Variants in ADGRA1 observed in about 807,000 individuals in gnomAD.
ADGRA1 encodes G-protein coupled receptor 123.
In ADGRA1, 12 loss-of-function variants were observed where a neutral mutation model predicts 21.3. The observed-to-expected ratio is 0.56, with a 90% CI of 0.36 to 0.91. ADGRA1 has a LOEUF of 0.91. Among genes scored for constraint, ADGRA1 ranks in the 40% least tolerant of loss-of-function variants. The pLI, the probability that ADGRA1 is intolerant of heterozygous loss-of-function variation, is 0.01. For missense variants in ADGRA1, 790 were observed against 805.6 expected (o/e 0.98, Z 0.23); for synonymous variants, 385 against 368.8 (o/e 1.04, Z -0.50).
In ADGRA1 at chr10:133,115,188, C is replaced by T. The variant is rs189643250; in HGVS notation, c.402-12045C>T. 1.9e-3 allele frequency among the ~76,000 whole-genome samples: 292 copies of T among 152,198 alleles called. 1 individual carries two copies. The highest frequency in any genetic ancestry group is 6.4e-3 in the African/African-American group (265 of 41,550). On this transcript the variant is annotated intron_variant, in intron 5 of 6. Transcript: ENST00000392607. ...TGAGGTGCACCTGGGCCTCACCCAT[C>T]GCCTGAGTGGGGCTGTCCCGAGTCC...
chr10:133,123,182 C>A lies in ADGRA1; in HGVS notation c.402-4051C>A, dbSNP rs554337276. Among the ~76,000 whole-genome samples the A allele has an allele frequency of 3.3e-5, 5 of 152,232 alleles. No individual in the cohort carries two copies. The South Asian group carries it at 1.0e-3, about 32-fold the overall frequency. Reference sequence around the variant, plus strand: ...TCACAAGCCCATCCCTGGCAGGGGCCCCGCGAGTCCCTCTGCGCCCGTCCC... The same window carrying A: ...TCACAAGCCCATCCCTGGCAGGGGCACCGCGAGTCCCTCTGCGCCCGTCCC... On this transcript the variant is annotated intron_variant, in intron 5 of 6. Coordinates refer to ENST00000392607, the MANE Select transcript of ADGRA1 (RefSeq NM_001083909.3).
intron 2 of ADGRA1, among the ~76,000 whole-genome samples, chr10:133,091,885 C>T (rs1851601497): frequency 6.6e-6 from 1 of 152,136 alleles, no homozygotes; most frequent in African/African-American, 2.4e-5. Flanking sequence ...AGGTCAAGGC[C>T]AGCCTCCTGG....
At position 133,102,889 on chromosome 10, in the gene ADGRA1, C is replaced by T. The variant is rs115374312; in HGVS notation, c.401+47C>T. The T allele has an allele frequency of 4.6e-4, 721 of 1,577,266 alleles. 4 individuals are homozygous for T. The African/African-American group carries it at 6.3e-3, about 14-fold the overall frequency. On this transcript the variant is annotated intron_variant, in intron 5 of 6. Coordinates refer to ENST00000392607, the MANE Select transcript of ADGRA1 (RefSeq NM_001083909.3). ...GAGGCCCCGCCACCTGGGCCCTGGA[C>T]GCTGCATGCACCTTCTGGGTCTTGG...
In ADGRA1 at chr10:133,129,387, T is replaced by C. The variant is rs1412393459; in HGVS notation, c.1559T>C (p.Leu520Pro). The C allele has an allele frequency of 1.2e-6, 2 of 1,605,192 alleles. No individual in the cohort carries two copies. Among genetic ancestry groups the C allele is most frequent in the South Asian group, 1.1e-5 (1 of 90,494 alleles). Residue 520 changes from leucine to proline, a missense_variant, in exon 7 of 7, where the codon CTG becomes CCG. This residue lies in a region of ADGRA1 where 391 missense variants were observed against 351.5 expected (regional missense o/e 1.11). Transcript: ENST00000392607. ...GAGATGCTGCGGAGGACACAGTCCC[T>C]GCCCTTTGGTGGCCCCAGCCAGAAC... ...HLEMLRRTQS[L>P]PFGGPSQNGL...
At chr10:133,100,494 C>T (rs777804524) in intron 4 of ADGRA1, among the ~76,000 whole-genome samples, 20 of 152,216 alleles carry the variant, frequency 1.3e-4, no homozygotes, top group African/African-American at 1.9e-4. Context: ...CTTGCCTGGA[C>T]GGAGCTCCTG....
chr10:133,097,229 G>C, intron 3 of ADGRA1, 128 bp downstream of exon 3: 1 of 1,165,988 alleles, frequency 8.6e-7, no homozygotes, highest in Admixed American at 1.9e-5. Flanking sequence ...GTACAACTCA[G>C]GTCACCAGCT....
intron 3 of ADGRA1, among the ~76,000 whole-genome samples, chr10:133,097,577 G>A (rs1051020650): frequency 2.6e-5 from 4 of 152,176 alleles, no homozygotes; most frequent in African/African-American, 9.6e-5. Flanking sequence ...CCTCGGTCAC[G>A]GACAGAGCTT....
intron 2 of ADGRA1, chr10:133,092,959 T>G (rs116705421): frequency 1.3e-6 from 2 of 1,582,666 alleles, no homozygotes; most frequent in South Asian, 2.3e-5. Context: ...CCTCAGCCAG[T>G]TGGAGCTGCA....
rs561804012 is a variant in ADGRA1 at position 133,120,412 on chromosome 10, G to GA, written c.402-6813dup. ...AGAGCGAGACTCTGTCTCAAAAAAA[G>GA]AAAAAAAATATATCTTGTTTAGTGC... On this transcript the variant is annotated intron_variant, in intron 5 of 6. Coordinates refer to ENST00000392607, the MANE Select transcript of ADGRA1 (RefSeq NM_001083909.3). Among the ~76,000 whole-genome samples, 21 of 152,002 alleles carry GA rather than the reference G, an allele frequency of 1.4e-4. No homozygotes were observed. In the East Asian group the frequency reaches 1.7e-3, roughly 13 times the overall value.
At chr10:133,110,030 G>T (rs1851958888) in intron 5 of ADGRA1, among the ~76,000 whole-genome samples, 1 of 152,190 alleles carries the variant, frequency 6.6e-6, no homozygotes, top group African/African-American at 2.4e-5. Flanking sequence ...ATACACTCAG[G>T]ACTCAGCAGC....
chr10:133,123,033 C>T lies in ADGRA1; in HGVS notation c.402-4200C>T, dbSNP rs192721592. ...ATGGCTGCACGGGACCCGCTTCTGG[C>T]GAGACCACGGGGCTTTATCCCTTTA... is the stretch of plus-strand genomic sequence containing the variant. On this transcript the variant is annotated intron_variant, in intron 5 of 6. Transcript: ENST00000392607. Among the ~76,000 whole-genome samples, 264 of 152,304 alleles carry T rather than the reference C, an allele frequency of 1.7e-3. 2 individuals are homozygous for T. The Middle Eastern group carries it at 0.031, about 18-fold the overall frequency.
rs1209698557 is a variant in ADGRA1 at position 133,131,270 on chromosome 10, T to G, written c.*1759T>G. 1.3e-5 allele frequency: 2 copies of G among 152,216 alleles called. No individual in the cohort carries two copies. Among genetic ancestry groups the G allele is most frequent in the African/African-American group, 4.8e-5 (2 of 41,438 alleles). 9.4% of individuals were successfully genotyped at this position (152,216 alleles called of 1,614,324 possible). On this transcript the variant is annotated 3_prime_UTR_variant, in exon 7 of 7. Transcript: ENST00000392607. ...AGCAAACCCCGTGTGTCCTTACAGGTCGACCAGACGGGCCGTCGGAGGACC... is the reference window on the plus strand; with the variant it reads ...AGCAAACCCCGTGTGTCCTTACAGGGCGACCAGACGGGCCGTCGGAGGACC...
intron 5 of ADGRA1, among the ~76,000 whole-genome samples, chr10:133,117,125 T>A (rs753999130): frequency 8.8e-4 from 133 of 151,886 alleles, no homozygotes; most frequent in Non-Finnish European, 1.6e-3. Context: ...GTCGCCAGTA[T>A]CAGAGCACCC....
chr10:133,123,304 C>A (rs1323920617), intron 5 of ADGRA1, among the ~76,000 whole-genome samples: 1 of 152,244 alleles, frequency 6.6e-6, no homozygotes, highest in Non-Finnish European at 1.5e-5. Flanking sequence ...GCCGCCCACT[C>A]TTCCTCACTG....
chr10:133,103,878 C>T (rs1218779594), intron 5 of ADGRA1, among the ~76,000 whole-genome samples: 1 of 152,238 alleles, frequency 6.6e-6, no homozygotes, highest in Non-Finnish European at 1.5e-5. Context: ...CCTTGGGTGC[C>T]TACCTGGCCC....
Position 133,093,334 on chromosome 10 carries a change from C to A in ADGRA1, c.4-3640C>A, listed in dbSNP as rs977788775. On this transcript the variant is annotated intron_variant, in intron 2 of 6. Transcript: ENST00000392607. ...CTCATCTTTCCTCCTTTGTTTTTGT[C>A]TTTAACACCCTGACCCACTTGATTT... 3.7e-5 allele frequency: 56 copies of A among 1,494,178 alleles called. No homozygotes were observed. The South Asian group carries it at 4.2e-4, about 11-fold the overall frequency. The allele number at this position is 1,494,178 out of a possible 1,614,324, so 92.6% of individuals were successfully genotyped here. A position where few individuals can be genotyped will look rare whatever the true frequency, so the allele number is the denominator to read the frequency against.
At chr10:133,116,906 G>A (rs191095618) in intron 5 of ADGRA1, among the ~76,000 whole-genome samples, 1 of 152,148 alleles carries the variant, frequency 6.6e-6, no homozygotes, top group African/African-American at 2.4e-5. Context: ...ACAGATGCAG[G>A]TCTGACCCCC....
Position 133,128,323 on chromosome 10 carries a change from C to A in ADGRA1, c.501-6C>A, listed in dbSNP as rs1489938810. The A allele has an allele frequency of 3.9e-6, 6 of 1,534,796 alleles. No homozygotes were observed. Among genetic ancestry groups the A allele is most frequent in the Non-Finnish European group, 4.4e-6 (5 of 1,144,164 alleles). ...CCCGCTGACACTGACGTGCGTCTCC[C>A]CACAGCTGCTGGATGGCCTGGGAGC... On this transcript the variant is annotated splice_polypyrimidine_tract_variant and splice_region_variant and intron_variant, in intron 6 of 6. Transcript: ENST00000392607.
chr10:133,113,405 G>A (rs550739244), intron 5 of ADGRA1, among the ~76,000 whole-genome samples: 1 of 152,338 alleles, frequency 6.6e-6, no homozygotes, highest in South Asian at 2.1e-4. Context: ...AGGCGCTGAG[G>A]GATGCTTGAC....
Sources: allele counts gnomAD v4.1 joint callset (sites outside exome capture counted in the v4.1 genomes callset), GRCh38; gene constraint gnomAD v4.1.1; regional missense constraint gnomAD v4.1.1; transcripts MANE v1.5; gene names NCBI Gene and HGNC (gene_info 2026-07-23, HGNC 2026-07-21).